The following NAALADL2 variants were observed in gnomAD, a reference collection of about 807,000 sequenced individuals.
The protein encoded by NAALADL2 is N-acetylated alpha-linked acidic dipeptidase like 2, also known as inactive N-acetylated-alpha-linked acidic dipeptidase-like protein 2.
In NAALADL2, 76 loss-of-function variants were observed where a neutral mutation model predicts 87.2. The observed-to-expected ratio is 0.87, with a 90% CI of 0.72 to 1.05. The LOEUF is 1.05. NAALADL2 is among the 50% of genes least tolerant of loss of function. The pLI is 0.00. For missense variants in NAALADL2, 1,089 were observed against 945.8 expected, an observed-to-expected ratio of 1.15 and a Z score of -1.99; for synonymous variants, 354 against 331.0, an observed-to-expected ratio of 1.07 and a Z score of -0.75.
Position 175,243,321 on chromosome 3 carries a change from A to AACACACACACACAC in NAALADL2, c.819+9128_819+9141dup, listed in dbSNP as rs113418317. Among the ~76,000 whole-genome samples the AACACACACACACAC allele has an allele frequency of 4.8e-5, 7 of 144,648 alleles. No homozygotes were observed. In the South Asian group the frequency reaches 8.9e-4, roughly 18 times the overall value. 94.9% of individuals were successfully genotyped at this position (144,648 alleles called of 152,430 possible). On this transcript the variant is annotated intron_variant, in intron 3 of 13. Coordinates refer to ENST00000454872, the MANE Select transcript of NAALADL2 (RefSeq NM_207015.3). ...GTTTTGTTCTACCACTTTAGAAGGA[A>AACACACACACACAC]ACACACACACACACACACACACACG...
chr3:175,036,297 A>G (rs1179628894), intron 1 of NAALADL2, among the ~76,000 whole-genome samples: 1 of 152,224 alleles, frequency 6.6e-6, no homozygotes, highest in Middle Eastern at 3.4e-3. Context: ...TCGACCATCA[A>G]TATGTTTTAA....
chr3:175,396,761 G>A (rs758074016), intron 5 of NAALADL2, among the ~76,000 whole-genome samples: 1 of 152,038 alleles, frequency 6.6e-6, no homozygotes, highest in African/African-American at 2.4e-5. Context: ...TTGTGACTGA[G>A]TGAGTCCTCA....
chr3:175,464,419 A>T (rs867276143), intron 7 of NAALADL2, among the ~76,000 whole-genome samples: 21 of 139,348 alleles, frequency 1.5e-4, no homozygotes, highest in Middle Eastern at 7.0e-3. Context: ...GAGAGACTCC[A>T]TCTCAAAAAA....
intron 9 of NAALADL2, among the ~76,000 whole-genome samples, chr3:175,530,625 A>G (rs1347258216): frequency 6.6e-6 from 1 of 152,080 alleles, no homozygotes; most frequent in African/African-American, 2.4e-5. Context: ...TCAACCAATC[A>G]TAGGCCACTC....
chr3:174,890,145 A>G (rs1284074103), intron 1 of NAALADL2, among the ~76,000 whole-genome samples: 1 of 151,824 alleles, frequency 6.6e-6, no homozygotes, highest in Non-Finnish European at 1.5e-5. Context: ...GTAATCTCTC[A>G]TAATATCTTA....
intron 10 of NAALADL2, among the ~76,000 whole-genome samples, chr3:175,606,993 G>A (rs1175566610): frequency 1.3e-5 from 2 of 152,122 alleles, no homozygotes; most frequent in Admixed American, 6.6e-5. Context: ...ACCAAGTGGA[G>A]AGAAAAAGAA....
intron 1 of NAALADL2, among the ~76,000 whole-genome samples, chr3:175,007,806 C>CT (rs1429405010): frequency 6.6e-6 from 1 of 152,012 alleles, no homozygotes; most frequent in African/African-American, 2.4e-5. Flanking sequence ...AAGAGATGAA[C>CT]AACAGTACTA....
At chr3:174,460,855 GACTTT>G (rs1289514210) in intron 1 of NAALADL2, among the ~76,000 whole-genome samples, 13 of 152,034 alleles carry the variant, frequency 8.6e-5, no homozygotes, top group African/African-American at 2.9e-4. Flanking sequence ...TTATTTAAAA[GACTTT>G]ACTTAAGATT....
chr3:175,327,148 C>CTTTTTGTT (rs1760813004), intron 5 of NAALADL2, among the ~76,000 whole-genome samples: 1 of 99,514 alleles, frequency 1.0e-5, no homozygotes, highest in African/African-American at 4.2e-5. Context: ...GTCTACATTT[C>CTTTTTGTT]TTTTTTTTTT....
intron 1 of NAALADL2, among the ~76,000 whole-genome samples, chr3:175,071,196 A>C (rs772564539): frequency 1.3e-5 from 2 of 152,136 alleles, no homozygotes; most frequent in Non-Finnish European, 2.9e-5. Flanking sequence ...TCAATAAATA[A>C]CACATGCCAA....
intron 2 of NAALADL2, among the ~76,000 whole-genome samples, chr3:175,200,417 A>G (rs998859476): frequency 1.3e-5 from 2 of 152,126 alleles, no homozygotes; most frequent in African/African-American, 2.4e-5. Flanking sequence ...AAGTGTTTAA[A>G]CATAACTGAA....
intron 1 of NAALADL2, among the ~76,000 whole-genome samples, chr3:175,003,265 C>T (rs1046781444): frequency 6.6e-6 from 1 of 152,156 alleles, no homozygotes; most frequent in African/African-American, 2.4e-5. Context: ...CACATGTAAT[C>T]CCTGTGCTTC....
chr3:174,980,945 A>G (rs929920614), intron 1 of NAALADL2, among the ~76,000 whole-genome samples: 2 of 152,204 alleles, frequency 1.3e-5, no homozygotes, highest in Non-Finnish European at 2.9e-5. Flanking sequence ...ATGTGCTGAT[A>G]TGAAAATATA....
At chr3:175,099,980 A>G (rs1721840976) in intron 2 of NAALADL2, among the ~76,000 whole-genome samples, 1 of 151,060 alleles carries the variant, frequency 6.6e-6, no homozygotes, top group African/African-American at 2.4e-5. Flanking sequence ...TAGATTTTTC[A>G]TATTATATTA....
At chr3:174,441,105 C>T (rs979102153) in intron 1 of NAALADL2, 2 of 152,176 alleles carry the variant, frequency 1.3e-5, no homozygotes, top group African/African-American at 2.4e-5. Context: ...CGGCCTCGGC[C>T]GAGCGGTCCG....
chr3:174,928,530 G>A (rs1342917651), intron 1 of NAALADL2, among the ~76,000 whole-genome samples: 5 of 152,082 alleles, frequency 3.3e-5, no homozygotes, highest in Admixed American at 2.6e-4. Context: ...GTGAGCCACC[G>A]CGCATTGCCC....
At chr3:175,421,859 T>G (rs1715759263) in intron 5 of NAALADL2, among the ~76,000 whole-genome samples, 1 of 152,018 alleles carries the variant, frequency 6.6e-6, no homozygotes, top group Non-Finnish European at 1.5e-5. Flanking sequence ...GAAAGACAAC[T>G]GAAGGAAATG....
chr3:175,385,129 T>G (rs1339329197), intron 5 of NAALADL2, among the ~76,000 whole-genome samples: 1 of 152,074 alleles, frequency 6.6e-6, no homozygotes, highest in Non-Finnish European at 1.5e-5. Context: ...ACTTATTTCA[T>G]CATCTAACTC....
intron 1 of NAALADL2, among the ~76,000 whole-genome samples, chr3:175,096,495 CGTGTGTGTGTGT>C (rs3067035): frequency 0.01 from 1,453 of 143,304 alleles, 12 homozygotes; most frequent in African/African-American, 0.012. Context: ...ATTAATGGGG[CGTGTGTGTGTGT>C]GTGTGTGTGT....
Sources: allele counts gnomAD v4.1 joint callset (sites outside exome capture counted in the v4.1 genomes callset), GRCh38; gene constraint gnomAD v4.1.1; transcripts MANE v1.5; gene names NCBI Gene and HGNC (gene_info 2026-07-23, HGNC 2026-07-21).